The following SOX5 variants were observed in gnomAD, a reference collection of about 807,000 sequenced individuals.
SOX5 encodes the protein SRY-box transcription factor 5.
In SOX5, 9 loss-of-function variants were observed where a neutral mutation model predicts 92.0. That is an observed-to-expected ratio of 0.10 (90% confidence interval 0.06 to 0.17). The LOEUF is 0.17. Ranked by LOEUF, SOX5 falls within the 10% of genes least tolerant of loss-of-function variation. The pLI is 1.00. For synonymous variants in SOX5, 344 were observed against 336.3 expected (o/e 1.02, Z -0.25); for missense variants, 642 against 944.5 (o/e 0.68, Z 4.20).
intron 6 of SOX5, among the ~76,000 whole-genome samples, chr12:23,691,189 G>A (rs1282563513): frequency 6.6e-6 from 1 of 152,176 alleles, no homozygotes; most frequent in Non-Finnish European, 1.5e-5. Flanking sequence ...GTACTGAAAT[G>A]ACTATGTGAG....
chr12:24,342,253 G>A (rs1468866924), intron 2 of SOX5, among the ~76,000 whole-genome samples: 3 of 152,116 alleles, frequency 2.0e-5, no homozygotes, highest in Non-Finnish European at 2.9e-5. Flanking sequence ...CACTCCTGAT[G>A]CTCTTCTTTT....
rs115874482 is a variant in SOX5, at chr12:24,175,457, T to C, written c.-2+37886A>G. ...AAGGGTGGAGAAACTGTCAGCTTCC[T>C]GTGCAGTAAGCACAGTGCATGCACG... On this transcript the variant is annotated intron_variant, in intron 4 of 4. Coordinates refer to the SOX5 transcript ENST00000446891. Among the ~76,000 whole-genome samples, 336 of 152,370 alleles carry C rather than the reference T, an allele frequency of 2.2e-3. 1 individual carries two copies. The highest frequency in any genetic ancestry group is 7.4e-3 in the African/African-American group (308 of 41,588).
At chr12:24,254,745 T>C (rs1940855060) in intron 3 of SOX5, among the ~76,000 whole-genome samples, 1 of 147,314 alleles carries the variant, frequency 6.8e-6, no homozygotes, top group South Asian at 2.3e-4. Flanking sequence ...ATATTTCCTA[T>C]GACTTTTTCA....
chr12:24,420,451 G>T (rs1464170999), intron 1 of SOX5, among the ~76,000 whole-genome samples: 1 of 152,116 alleles, frequency 6.6e-6, no homozygotes, highest in Non-Finnish European at 1.5e-5. Flanking sequence ...AAAGGGTAAG[G>T]ATTACAATAG....
At position 24,251,572 on chromosome 12, in the gene SOX5, G is replaced by GTT. The variant is rs68085452; in HGVS notation, c.-77+25642_-77+25643dup. The stretch of plus-strand genomic sequence containing the variant: ...TGAACTAGGATGGTTAGGGTTTTTT[G>GTT]TTTTTTTTTTTTTCTTCAGATGAAG... On this transcript the variant is annotated intron_variant, in intron 3 of 4. Coordinates refer to the SOX5 transcript ENST00000446891. Among the ~76,000 whole-genome samples the GTT allele has an allele frequency of 5.4e-4, 77 of 141,478 alleles. 1 individual carries two copies. Among genetic ancestry groups the GTT allele is most frequent in the South Asian group, 4.7e-3 (21 of 4,444 alleles). 92.8% of individuals were successfully genotyped at this position (141,478 alleles called of 152,430 possible). A position where few individuals can be genotyped will look rare whatever the true frequency, so the allele number is the denominator to read the frequency against.
intron 2 of SOX5, among the ~76,000 whole-genome samples, chr12:24,335,452 C>T (rs1034421192): frequency 1.3e-5 from 2 of 152,126 alleles, no homozygotes; most frequent in African/African-American, 4.8e-5. Flanking sequence ...ATCAACTTAC[C>T]TAATCCTCCC....
intron 1 of SOX5, among the ~76,000 whole-genome samples, chr12:24,533,965 A>G (rs1398812652): frequency 6.6e-6 from 1 of 152,226 alleles, no homozygotes; most frequent in Non-Finnish European, 1.5e-5. Flanking sequence ...GAGTCCATTG[A>G]CATCCTATGG....
At chr12:24,115,872 A>T (rs369000279) in intron 4 of SOX5, among the ~76,000 whole-genome samples, 13 of 152,224 alleles carry the variant, frequency 8.5e-5, no homozygotes, top group African/African-American at 3.1e-4. Context: ...TGTTTTTGAG[A>T]TTGTTAATAT....
At chr12:23,581,653 G>A (rs979180260) in intron 9 of SOX5, among the ~76,000 whole-genome samples, 2 of 151,916 alleles carry the variant, frequency 1.3e-5, no homozygotes, top group Admixed American at 1.3e-4. Context: ...TATATGCCAG[G>A]CATTAGAAAA....
chr12:23,717,612 G>T (rs1225657454), intron 6 of SOX5, among the ~76,000 whole-genome samples: 3 of 152,160 alleles, frequency 2.0e-5, no homozygotes, highest in Non-Finnish European at 4.4e-5. Context: ...ATTGTAAAAA[G>T]AGAGCCTCAG....
chr12:24,023,547 T>C (rs1187676635), intron 4 of SOX5, among the ~76,000 whole-genome samples: 1 of 152,086 alleles, frequency 6.6e-6, no homozygotes, highest in Non-Finnish European at 1.5e-5. Context: ...TTACTTCAAA[T>C]TACACTCAAC....
chr12:23,904,923 A>G (rs1434625731), intron 1 of SOX5, among the ~76,000 whole-genome samples: 6 of 152,160 alleles, frequency 3.9e-5, no homozygotes, highest in Admixed American at 3.9e-4. Context: ...CACCAAAGTC[A>G]GAGATGGAGG....
intron 4 of SOX5, among the ~76,000 whole-genome samples, chr12:24,051,259 T>C (rs1037042519): frequency 6.6e-6 from 1 of 152,148 alleles, no homozygotes; most frequent in African/African-American, 2.4e-5. Context: ...GTTTTTTTTC[T>C]TGTTGAAACA....
chr12:23,980,677 T>TC (rs1949491790), intron 4 of SOX5, among the ~76,000 whole-genome samples: 1 of 152,124 alleles, frequency 6.6e-6, no homozygotes, highest in Non-Finnish European at 1.5e-5. Flanking sequence ...CCTGCTTCTT[T>TC]CCCCCCTCTT....
intron 4 of SOX5, among the ~76,000 whole-genome samples, chr12:24,065,645 C>CAAAAAA (rs71445983): frequency 5.8e-4 from 47 of 81,500 alleles, no homozygotes; most frequent in East Asian, 5.2e-3. Context: ...GACTCCATCT[C>CAAAAAA]AAAAAAAAAA....
At chr12:23,720,077 A>G (rs185746704) in intron 6 of SOX5, among the ~76,000 whole-genome samples, 1 of 152,346 alleles carries the variant, frequency 6.6e-6, no homozygotes, top group Admixed American at 6.5e-5. Flanking sequence ...TTAATCACAA[A>G]AAAGACTCAT....
At chr12:23,921,361 C>T (rs1938206933) in intron 1 of SOX5, among the ~76,000 whole-genome samples, 1 of 151,532 alleles carries the variant, frequency 6.6e-6, no homozygotes, top group East Asian at 1.9e-4. Flanking sequence ...TGCTCTAAGA[C>T]CTCAAAGTTG....
intron 11 of SOX5, among the ~76,000 whole-genome samples, chr12:23,553,912 A>T (rs1270663730): frequency 6.6e-6 from 1 of 152,122 alleles, no homozygotes; most frequent in Non-Finnish European, 1.5e-5. Flanking sequence ...AACTGGCAGG[A>T]TTCTTACAAA....
At chr12:24,275,467 T>C (rs1403224469) in intron 3 of SOX5, among the ~76,000 whole-genome samples, 1 of 152,042 alleles carries the variant, frequency 6.6e-6, no homozygotes, top group Non-Finnish European at 1.5e-5. Context: ...TTAAAATTCT[T>C]TAGAAAAGAA....
Sources: gnomAD v4.1 joint callset for allele counts (sites outside exome capture counted in the v4.1 genomes callset) on GRCh38, gnomAD v4.1.1 for gene constraint, MANE v1.5 for transcripts, NCBI Gene and HGNC (gene_info 2026-07-23, HGNC 2026-07-21) for gene names.